Variants in PSMD5 observed in about 807,000 individuals in gnomAD.
PSMD5 encodes the protein proteasome 26S subunit, non-ATPase 5.
PSMD5 carries 40 observed loss-of-function variants against 52.1 expected under a neutral mutation model. The ratio of observed to expected loss-of-function variants is 0.77; its 90% CI spans 0.60 to 1.00. The LOEUF is 1.00. PSMD5 is among the 50% of genes least tolerant of loss of function. The pLI is 0.00. For missense variants in PSMD5, 575 were observed against 605.2 expected (o/e 0.95, Z 0.52); for synonymous variants, 211 against 226.6 (o/e 0.93, Z 0.62).
At position 120,826,881 on chromosome 9, in the gene PSMD5, G is replaced by A; in HGVS notation, c.698C>T (p.Ser233Leu). Residue 233 changes from serine to leucine, a missense_variant, in exon 6 of 10, where the codon TCA (serine) becomes TTA (leucine). Coordinates refer to ENST00000210313, the MANE Select transcript of PSMD5 (RefSeq NM_005047.4). ...TCGCCCATGATGAGTATATGCCAGTGATGTCACCATTTCTATACAGGTGGC... is the reference window on the plus strand; with the variant it reads ...TCGCCCATGATGAGTATATGCCAGTAATGTCACCATTTCTATACAGGTGGC... ...VRATCIEMVT[S>L]LAYTHHGRQY... The A allele has an allele frequency of 2.5e-6, 4 of 1,612,708 alleles. No homozygotes were observed. The highest frequency in any genetic ancestry group is 3.4e-6 in the Non-Finnish European group (4 of 1,179,260).
At chr9:120,821,294 C>A in intron 8 of PSMD5, 61 bp downstream of exon 8, 1 of 1,097,308 alleles carries the variant, frequency 9.1e-7, no homozygotes, top group Non-Finnish European at 1.3e-6. Context: ...CATGTTGATT[C>A]ATACAGATTT....
chr9:120,824,860 T>A, intron 6 of PSMD5, 175 bp from the exon 7 acceptor site: 1 of 528,062 alleles, frequency 1.9e-6, no homozygotes, highest in East Asian at 3.0e-5. Flanking sequence ...GGACCTGTGA[T>A]GTGTGATCCT....
intron 4 of PSMD5, among the ~76,000 whole-genome samples, chr9:120,830,617 C>G (rs1005511235): frequency 6.6e-6 from 1 of 152,134 alleles, no homozygotes; most frequent in Non-Finnish European, 1.5e-5. Flanking sequence ...AGAAAGTGTT[C>G]TGAAGATGGA....
chr9:120,842,868 C>A lies in PSMD5; in HGVS notation c.42G>T (p.Arg14Ser), dbSNP rs756797300. The A allele has an allele frequency of 6.2e-7, 1 of 1,602,386 alleles. No individual in the cohort carries two copies. The highest frequency in any genetic ancestry group is 8.5e-7 in the Non-Finnish European group (1 of 1,177,766). ...GTAGCTCCTCCAGCGGCGCTTCCAG[C>A]CTCGCTACCTCTCTCAGCAGCGCCA... ...QALALLREVA[R>S]LEAPLEELRA... Residue 14 changes from arginine (R) to serine (S), a missense_variant, in exon 1 of 10, where the codon AGG (arginine) becomes AGT (serine). Physicochemically the swap from Arg to Ser is moderately radical, Grantham distance 110 (BLOSUM62 -1). Coordinates refer to ENST00000210313, the MANE Select transcript of PSMD5 (RefSeq NM_005047.4).
rs140741910 is a variant in PSMD5, at chr9:120,829,141, G to T, written c.629C>A (p.Thr210Asn). The T allele has an allele frequency of 3.1e-6, 5 of 1,607,868 alleles. No homozygotes were observed. In the African/African-American group the frequency reaches 5.4e-5, roughly 17 times the overall value. Residue 210 changes from threonine to asparagine, a missense_variant, in exon 5 of 10, where the codon ACC (threonine) becomes AAC (asparagine). Thr to Asn is a moderately conservative substitution (Grantham distance 65). Transcript: ENST00000210313. ...LNYCTTSGLV[T>N]QLLRELTGED... ...ACCAGTCAGCTCTCTCAGGAGCTGG[G>T]TTACCAATCCACTTGTGGTACAGTA... is the stretch of plus-strand genomic sequence containing the variant.
chr9:120,828,253 G>A (rs1405591085), intron 5 of PSMD5, among the ~76,000 whole-genome samples: 1 of 151,972 alleles, frequency 6.6e-6, no homozygotes, highest in Non-Finnish European at 1.5e-5. Flanking sequence ...ATCCGCCTCA[G>A]CCTCCCAAAG....
chr9:120,829,519 C>T (rs1034837806), intron 4 of PSMD5, among the ~76,000 whole-genome samples: 1 of 152,088 alleles, frequency 6.6e-6, no homozygotes, highest in South Asian at 2.1e-4. Flanking sequence ...TCAGCCTCCC[C>T]AGTAGCTGGG....
chr9:120,840,982 G>C (rs1318674227), intron 1 of PSMD5, among the ~76,000 whole-genome samples: 1 of 151,956 alleles, frequency 6.6e-6, no homozygotes, highest in Non-Finnish European at 1.5e-5. Context: ...TCGATCTCTT[G>C]ACCTGGTGAT....
At chr9:120,823,365 C>T (rs890995184) in intron 7 of PSMD5, among the ~76,000 whole-genome samples, 22 of 151,618 alleles carry the variant, frequency 1.5e-4, no homozygotes, top group African/African-American at 5.3e-4. Flanking sequence ...TGCACCACCA[C>T]GCTTGGCTGA....
At chr9:120,842,403 A>G in intron 1 of PSMD5, 1 of 311,212 alleles carries the variant, frequency 3.2e-6, no homozygotes, top group Admixed American at 4.6e-5. Flanking sequence ...AGGGGAAACA[A>G]ATCAAGAACC....
In PSMD5 at chr9:120,834,065, C is replaced by T. The variant is rs555987232; in HGVS notation, c.174-609G>A. Among the ~76,000 whole-genome samples the T allele has an allele frequency of 3.3e-3, 492 of 150,688 alleles. 2 individuals carry two copies. Among genetic ancestry groups the T allele is most frequent in the African/African-American group, 0.011 (461 of 40,928 alleles). On this transcript the variant is annotated intron_variant, in intron 1 of 9. Coordinates refer to ENST00000210313, the MANE Select transcript of PSMD5 (RefSeq NM_005047.4). Reference sequence around the variant, plus strand: ...CACGATCTCTGCTCACTGCAACCTCCGCCTCCTGGGTTCAAACAATTCCCC... The same window carrying T: ...CACGATCTCTGCTCACTGCAACCTCTGCCTCCTGGGTTCAAACAATTCCCC...
intron 1 of PSMD5, chr9:120,842,117 C>A (rs1047132594): frequency 6.6e-6 from 1 of 152,530 alleles, no homozygotes; most frequent in Non-Finnish European, 1.5e-5. Flanking sequence ...TCCCCCTAAA[C>A]GCTTTTGGAC....
intron 5 of PSMD5, among the ~76,000 whole-genome samples, chr9:120,827,938 G>A (rs1406471173): frequency 6.6e-6 from 1 of 152,198 alleles, no homozygotes; most frequent in African/African-American, 2.4e-5. Context: ...ACATTTCTTT[G>A]AGAACCTATG....
chr9:120,817,800 TA>T lies in PSMD5; in HGVS notation c.*105del. On this transcript the variant is annotated 3_prime_UTR_variant, in exon 10 of 10. Coordinates refer to ENST00000210313, the MANE Select transcript of PSMD5 (RefSeq NM_005047.4). ...CAAAGTAACATCTGACATTCCATGA[TA>T]ATTCTTGGGGAAAGGAAGTCTCTTT... is the stretch of plus-strand genomic sequence containing the variant. The T allele has an allele frequency of 8.0e-7, 1 of 1,250,362 alleles. No individual in the cohort carries two copies. Among genetic ancestry groups the T allele is most frequent in the Non-Finnish European group, 1.1e-6 (1 of 897,400 alleles). The allele number at this position is 1,250,362 out of a possible 1,614,324, so 77.5% of individuals were successfully genotyped here. A position where few individuals can be genotyped will look rare whatever the true frequency, so the allele number is the denominator to read the frequency against.
chr9:120,833,178 A>C, intron 2 of PSMD5, 134 bp downstream of exon 2: 1 of 1,015,152 alleles, frequency 9.9e-7, no homozygotes, highest in Non-Finnish European at 1.5e-6. Flanking sequence ...AGGGGGAAAG[A>C]GGGAGCAGAG....
At position 120,821,409 on chromosome 9, in the gene PSMD5, T is replaced by G; in HGVS notation, c.1062A>C (p.Pro354=). 6.2e-7 allele frequency: 1 copy of G among 1,609,932 alleles called. No homozygotes were observed. The highest frequency in any genetic ancestry group is 8.5e-7 in the Non-Finnish European group (1 of 1,178,092). Residue 354 remains proline (P), a synonymous_variant, in exon 8 of 10, where the codon CCA becomes CCC. Transcript: ENST00000210313. The stretch of plus-strand genomic sequence containing the variant: ...CCAAACATCTAATTTTTAGCTCCAC[T>G]GGGGCATTCTTTGATTGATGTCCTA... The part of the protein sequence containing the change: ...MRIGHQSKNA[P]VELKIRCLDA...
In PSMD5 at chr9:120,833,431, T is replaced by C. The variant is rs775647652; in HGVS notation, c.199A>G (p.Ile67Val). Residue 67 changes from isoleucine to valine, a missense_variant, in exon 2 of 10, where the codon ATT becomes GTT. By Grantham distance (29) the Ile-to-Val change is conservative. Transcript: ENST00000210313. The stretch of plus-strand genomic sequence containing the variant: ...ATAGCTTGGAGCAATCTCTCCAGAA[T>C]GGATACACACAAAGTAGTCTTTTCC... ...HREKTTLCVSILERLLQAMEP... is the reference protein window; with the variant it reads ...HREKTTLCVSVLERLLQAMEP... 6.2e-7 allele frequency: 1 copy of C among 1,614,058 alleles called. No individual in the cohort carries two copies. The highest frequency in any genetic ancestry group is 8.5e-7 in the Non-Finnish European group (1 of 1,179,944).
chr9:120,818,734 T>TA (rs1564473288), intron 9 of PSMD5, among the ~76,000 whole-genome samples: 4 of 147,574 alleles, frequency 2.7e-5, no homozygotes, highest in African/African-American at 7.5e-5. Flanking sequence ...AGACAAATTT[T>TA]AAAAAAACGT....
chr9:120,829,235 A>G, intron 4 of PSMD5, 27 bp from the exon 5 acceptor site: 2 of 1,560,984 alleles, frequency 1.3e-6, no homozygotes, highest in South Asian at 2.4e-5. Flanking sequence ...AACACAGAAA[A>G]AAGAAAAAGG....
Sources: allele counts gnomAD v4.1 joint callset (sites outside exome capture counted in the v4.1 genomes callset), GRCh38; gene constraint gnomAD v4.1.1; transcripts MANE v1.5; gene names NCBI Gene and HGNC (gene_info 2026-07-23, HGNC 2026-07-21).